Variants in RASAL2 observed in about 807,000 individuals in gnomAD.
RASAL2 encodes the protein RAS protein activator like 2.
RASAL2 carries 58 observed loss-of-function variants against 128.9 expected under a neutral mutation model. The ratio of observed to expected loss-of-function variants is 0.45; its 90% CI spans 0.36 to 0.56. RASAL2 has a LOEUF of 0.56. Among genes scored for constraint, RASAL2 ranks in the 20% least tolerant of loss-of-function variants. The pLI is 0.00. For missense variants in RASAL2, 1,360 were observed against 1,601.6 expected (o/e 0.85, Z 2.57); for synonymous variants, 561 against 580.8 (o/e 0.97, Z 0.49).
chr1:178,339,536 A>G (rs1035849484), intron 3 of RASAL2, among the ~76,000 whole-genome samples: 1 of 152,142 alleles, frequency 6.6e-6, no homozygotes, highest in African/African-American at 2.4e-5. Flanking sequence ...TGAATCCCTC[A>G]TTGGTTACGA....
chr1:178,467,164 C>A (rs1224720271), intron 16 of RASAL2, among the ~76,000 whole-genome samples, 170 bp from the exon 17 acceptor site: 2 of 152,004 alleles, frequency 1.3e-5, no homozygotes, highest in African/African-American at 2.4e-5. Context: ...GATCCAGGCA[C>A]AAGGAGAAAA....
intron 14 of RASAL2, among the ~76,000 whole-genome samples, chr1:178,463,286 A>G (rs1572123488): frequency 6.6e-6 from 1 of 151,676 alleles, no homozygotes; most frequent in African/African-American, 2.4e-5. Context: ...GACAGAGGGG[A>G]AAAAAATTGT....
At chr1:178,471,401 T>A (rs1307705512) in intron 17 of RASAL2, among the ~76,000 whole-genome samples, 1 of 152,174 alleles carries the variant, frequency 6.6e-6, no homozygotes, top group Non-Finnish European at 1.5e-5. Context: ...AAAATTTTTT[T>A]AATAATAATT....
chr1:178,250,779 A>G (rs974834684), intron 1 of RASAL2, among the ~76,000 whole-genome samples: 3 of 152,170 alleles, frequency 2.0e-5, no homozygotes, highest in African/African-American at 7.2e-5. Flanking sequence ...CAAACACCTT[A>G]CTATATATAT....
chr1:178,127,690 T>C (rs1473264912), intron 1 of RASAL2, among the ~76,000 whole-genome samples: 1 of 152,080 alleles, frequency 6.6e-6, no homozygotes, highest in Non-Finnish European at 1.5e-5. Context: ...TGGTGATCTT[T>C]AAAAGATCAC....
At chr1:178,135,360 AT>A (rs1660282652) in intron 1 of RASAL2, among the ~76,000 whole-genome samples, 1 of 151,990 alleles carries the variant, frequency 6.6e-6, no homozygotes, top group African/African-American at 2.4e-5. Flanking sequence ...ATCTAATTCC[AT>A]TTTTTCCACA....
intron 1 of RASAL2, among the ~76,000 whole-genome samples, chr1:178,240,870 G>T (rs1664468336): frequency 6.6e-6 from 1 of 151,044 alleles, no homozygotes; most frequent in Admixed American, 6.6e-5. Flanking sequence ...ATTATTGGAA[G>T]ATTTTGTTAG....
intron 1 of RASAL2, among the ~76,000 whole-genome samples, chr1:178,164,859 GTGTGTGTA>G (rs1469675302): frequency 1.3e-5 from 2 of 150,874 alleles, no homozygotes; most frequent in East Asian, 3.9e-4. Flanking sequence ...GTGTGTGTGT[GTGTGTGTA>G]TACAGTGGGC....
chr1:178,146,107 T>C (rs1397323165), intron 1 of RASAL2, among the ~76,000 whole-genome samples: 1 of 152,222 alleles, frequency 6.6e-6, no homozygotes, highest in Non-Finnish European at 1.5e-5. Context: ...TTTTATTGAT[T>C]ATTGCAAATT....
Position 178,400,174 on chromosome 1 carries a change from G to T in RASAL2, c.564+9968G>T, listed in dbSNP as rs16852771. Among the ~76,000 whole-genome samples, 353 of 152,302 alleles carry T rather than the reference G, an allele frequency of 2.3e-3. 5 individuals carry two copies. The East Asian group carries it at 0.036, about 15-fold the overall frequency. On this transcript the variant is annotated intron_variant, in intron 4 of 17. Coordinates refer to ENST00000367649, the MANE Select transcript of RASAL2 (RefSeq NM_170692.4). ...AACCAAAGTTAAATTGGCACTGAGAGCTTTCATTGTCTAATTTTGTACTGC... is the reference window on the plus strand; with the variant it reads ...AACCAAAGTTAAATTGGCACTGAGATCTTTCATTGTCTAATTTTGTACTGC...
intron 3 of RASAL2, among the ~76,000 whole-genome samples, chr1:178,312,914 A>AT (rs911794559): frequency 6.6e-5 from 10 of 152,176 alleles, no homozygotes; most frequent in African/African-American, 2.4e-4. Flanking sequence ...ACATATATGA[A>AT]TTTTTTAATC....
At chr1:178,306,933 G>A (rs1668019863) in intron 3 of RASAL2, among the ~76,000 whole-genome samples, 1 of 151,292 alleles carries the variant, frequency 6.6e-6, no homozygotes, top group South Asian at 2.1e-4. Flanking sequence ...GTTAGTGGGT[G>A]CAGTGCAGCA....
intron 1 of RASAL2, among the ~76,000 whole-genome samples, chr1:178,254,787 A>G (rs1665243203): frequency 5.3e-5 from 8 of 152,198 alleles, no homozygotes; most frequent in Admixed American, 3.9e-4. Context: ...CCCCCAATTT[A>G]TTGAAAAACA....
chr1:178,430,530 TG>T (rs1479839382), intron 5 of RASAL2, among the ~76,000 whole-genome samples: 10 of 152,132 alleles, frequency 6.6e-5, no homozygotes, highest in Non-Finnish European at 1.3e-4. Flanking sequence ...AATGAACTAA[TG>T]CATGTCATAT....
chr1:178,094,422 G>A lies in RASAL2; in HGVS notation c.-71G>A, dbSNP rs1309025547. On this transcript the variant is annotated 5_prime_UTR_variant, in exon 1 of 18. Transcript: ENST00000367649. ...GCGCTCTCCTCCTCCCCTTACCGCA[G>A]GCAGGGCGCGGAGCCGCGCGCCAGC... 1.1e-5 allele frequency: 16 copies of A among 1,395,540 alleles called. No individual in the cohort carries two copies. The highest frequency in any genetic ancestry group is 1.5e-5 in the Non-Finnish European group (16 of 1,055,240). The allele number at this position is 1,395,540 out of a possible 1,614,324, so 86.4% of individuals were successfully genotyped here. A position where few individuals can be genotyped will look rare whatever the true frequency, so the allele number is the denominator to read the frequency against.
At chr1:178,187,234 C>G (rs914130108) in intron 1 of RASAL2, among the ~76,000 whole-genome samples, 57 of 152,090 alleles carry the variant, frequency 3.7e-4, no homozygotes, top group African/African-American at 1.2e-3. Flanking sequence ...CTTTTTCCCC[C>G]ACTCTGTTTT....
At chr1:178,365,441 GTTA>G (rs1671347642) in intron 3 of RASAL2, among the ~76,000 whole-genome samples, 1 of 148,038 alleles carries the variant, frequency 6.8e-6, no homozygotes, top group East Asian at 2.1e-4. Flanking sequence ...GTTATGTTAT[GTTA>G]TGTTATGTTA....
chr1:178,394,017 A>G (rs1673070222), intron 4 of RASAL2, among the ~76,000 whole-genome samples: 2 of 152,244 alleles, frequency 1.3e-5, no homozygotes, highest in East Asian at 1.9e-4. Context: ...TTTTCCTTAA[A>G]GAGAGATTTT....
chr1:178,304,316 G>C (rs1278000695), intron 3 of RASAL2, among the ~76,000 whole-genome samples: 2 of 152,056 alleles, frequency 1.3e-5, no homozygotes, highest in African/African-American at 2.4e-5. Flanking sequence ...TTATGTCTAG[G>C]AGTATGAGAC....
Sources: gnomAD v4.1 joint callset for allele counts (sites outside exome capture counted in the v4.1 genomes callset) on GRCh38, gnomAD v4.1.1 for gene constraint, MANE v1.5 for transcripts, NCBI Gene and HGNC (gene_info 2026-07-23, HGNC 2026-07-21) for gene names.